CDH18: variants seen among roughly 807,000 people sequenced by gnomAD.
CDH18 encodes the protein cadherin 18, also known as cadherin-18.
CDH18 carries 31 observed loss-of-function variants against 67.9 expected under a neutral mutation model. That is an observed-to-expected ratio of 0.46 (90% CI 0.34 to 0.62). The LOEUF is 0.62. Ranked by LOEUF, CDH18 falls within the 20% of genes least tolerant of loss-of-function variation. CDH18 has a pLI of 0.01. For missense variants in CDH18, 890 were observed against 975.5 expected (o/e 0.91, Z 1.17); for synonymous variants, 362 against 347.2 (o/e 1.04, Z -0.48).
chr5:19,788,486 T>C (rs10941485), intron 3 of CDH18, among the ~76,000 whole-genome samples: 87,118 of 152,042 alleles, frequency 0.57, 25,503 homozygotes, highest in African/African-American at 0.71. Flanking sequence ...GCTAGTTGCA[T>C]ATTTCACTTG....
At chr5:20,293,469 G>T (rs1048915003) in intron 1 of CDH18, among the ~76,000 whole-genome samples, 1 of 151,928 alleles carries the variant, frequency 6.6e-6, no homozygotes, top group African/African-American at 2.4e-5. Context: ...GAAAAGAAAA[G>T]AAGATTGTGT....
intron 8 of CDH18, among the ~76,000 whole-genome samples, chr5:19,562,780 T>C (rs1739682582): frequency 6.6e-6 from 1 of 152,154 alleles, no homozygotes; most frequent in African/African-American, 2.4e-5. Context: ...CAACAAGAAG[T>C]AAATGCATAG....
chr5:19,817,057 A>G (rs1183344073), intron 3 of CDH18, among the ~76,000 whole-genome samples: 1 of 151,896 alleles, frequency 6.6e-6, no homozygotes, highest in East Asian at 1.9e-4. Context: ...AATGTAAAAT[A>G]AAGGCCATAA....
intron 8 of CDH18, among the ~76,000 whole-genome samples, chr5:19,545,442 A>T (rs1490178876): frequency 6.6e-6 from 1 of 152,236 alleles, no homozygotes; most frequent in Non-Finnish European, 1.5e-5. Flanking sequence ...CAGATTTATT[A>T]ATGCTCTGAA....
At chr5:19,629,894 ATTAAT>A (rs1445542790) in intron 5 of CDH18, among the ~76,000 whole-genome samples, 4 of 152,232 alleles carry the variant, frequency 2.6e-5, no homozygotes, top group East Asian at 1.9e-4. Flanking sequence ...GTAGAAGAAA[ATTAAT>A]TTAAAAGAGT....
chr5:19,478,648 AC>A (rs1738896399), intron 12 of CDH18: 1 of 152,222 alleles, frequency 6.6e-6, no homozygotes, highest in Non-Finnish European at 1.5e-5. Context: ...CACCTAGGTT[AC>A]CTGCTTATAT....
rs540358573 is a variant in CDH18, at chr5:20,392,258, T to C, written c.-579-136753A>G. Among the ~76,000 whole-genome samples the C allele has an allele frequency of 1.8e-3, 277 of 151,952 alleles. 3 individuals are homozygous for C. Among genetic ancestry groups the C allele is most frequent in the African/African-American group, 6.0e-3 (250 of 41,550 alleles). On this transcript the variant is annotated intron_variant, in intron 1 of 14. Coordinates refer to the CDH18 transcript ENST00000507958. Reference sequence around the variant, plus strand: ...ATTATTTATTATACAAGTTGAAAATTTGAAAAAGTTTTTAAAAATGTAAAT... The same window carrying C: ...ATTATTTATTATACAAGTTGAAAATCTGAAAAAGTTTTTAAAAATGTAAAT...
chr5:20,464,624 C>T lies in CDH18; in HGVS notation c.-580+110838G>A, dbSNP rs566898801. Among the ~76,000 whole-genome samples, 33 of 152,134 alleles carry T rather than the reference C, an allele frequency of 2.2e-4. No homozygotes were observed. In the South Asian group the frequency reaches 2.5e-3, roughly 11 times the overall value. On this transcript the variant is annotated intron_variant, in intron 1 of 14. Transcript: ENST00000507958. ...GATGTCTATGAGGATAATGTTAATA[C>T]GAAATTTAAGAAATTCTTGCATTTT...
chr5:19,927,318 G>C (rs1212342667), intron 2 of CDH18, among the ~76,000 whole-genome samples: 1 of 152,080 alleles, frequency 6.6e-6, no homozygotes, highest in Non-Finnish European at 1.5e-5. Context: ...GTTTGGGTGA[G>C]AATATATTAA....
At chr5:20,412,105 G>A (rs1351363229) in intron 1 of CDH18, among the ~76,000 whole-genome samples, 1 of 152,068 alleles carries the variant, frequency 6.6e-6, no homozygotes, top group East Asian at 1.9e-4. Context: ...AGCAAAGCTG[G>A]AGGCATCACA....
intron 1 of CDH18, among the ~76,000 whole-genome samples, chr5:20,509,460 T>C (rs893524446): frequency 6.6e-6 from 1 of 150,474 alleles, no homozygotes; most frequent in African/African-American, 2.4e-5. Flanking sequence ...TGGAGTGCAG[T>C]GGCACGATCT....
Position 19,594,184 on chromosome 5 carries a change from G to A in CDH18, c.812-2940C>T, listed in dbSNP as rs181408864. On this transcript the variant is annotated intron_variant, in intron 6 of 12. Coordinates refer to ENST00000382275, the MANE Select transcript of CDH18 (RefSeq NM_004934.5). ...TTTGTTTTGTTTTGTTTTTTGACAC[G>A]GAATCTCACTCTGGCTGGAGTGGAA... Among the ~76,000 whole-genome samples, 271 of 151,816 alleles carry A rather than the reference G, an allele frequency of 1.8e-3. 1 individual carries two copies. The highest frequency in any genetic ancestry group is 6.1e-3 in the African/African-American group (254 of 41,386).
intron 10 of CDH18, among the ~76,000 whole-genome samples, chr5:19,504,931 C>A (rs1031682058): frequency 1.3e-5 from 2 of 152,022 alleles, no homozygotes; most frequent in African/African-American, 4.8e-5. Context: ...TTATTATTTT[C>A]TTTACTATAC....
chr5:19,856,647 T>C (rs1460401995), intron 2 of CDH18, among the ~76,000 whole-genome samples: 1 of 152,088 alleles, frequency 6.6e-6, no homozygotes, highest in Non-Finnish European at 1.5e-5. Context: ...TGAGCCCTAC[T>C]TCAATCTGAT....
At chr5:19,517,043 T>A (rs939853011) in intron 10 of CDH18, among the ~76,000 whole-genome samples, 1 of 152,256 alleles carries the variant, frequency 6.6e-6, no homozygotes, top group African/African-American at 2.4e-5. Context: ...TTTAATTTTT[T>A]ATGAAACTGT....
chr5:20,428,712 TC>T (rs1748512513), intron 1 of CDH18, among the ~76,000 whole-genome samples: 1 of 152,216 alleles, frequency 6.6e-6, no homozygotes, highest in Admixed American at 6.5e-5. Context: ...GCACTTTTTT[TC>T]ATATGTTTGT....
rs577882736 is a variant in CDH18 at position 19,501,901 on chromosome 5, G to A, written c.1630+1091C>T. ...ACAGCCTGTTCTAATGTAAGTAAAT[G>A]TACAATAGTCAGTTAAATGCAATTT... On this transcript the variant is annotated intron_variant, in intron 11 of 12. Coordinates refer to ENST00000382275, the MANE Select transcript of CDH18 (RefSeq NM_004934.5). Among the ~76,000 whole-genome samples the A allele has an allele frequency of 2.6e-5, 4 of 152,228 alleles. No homozygotes were observed. In the South Asian group the frequency reaches 6.2e-4, roughly 24 times the overall value.
chr5:20,414,473 G>A (rs1003909804), intron 1 of CDH18, among the ~76,000 whole-genome samples: 2 of 152,140 alleles, frequency 1.3e-5, no homozygotes, highest in South Asian at 2.1e-4. Flanking sequence ...CAAAATTGAG[G>A]AGGAAGGAAA....
chr5:19,691,200 G>C (rs1761828988), intron 5 of CDH18, among the ~76,000 whole-genome samples: 1 of 151,586 alleles, frequency 6.6e-6, no homozygotes, highest in South Asian at 2.1e-4. Context: ...AGAGGAATTT[G>C]ATAAAATTAA....
Sources: gnomAD v4.1 joint callset for allele counts (sites outside exome capture counted in the v4.1 genomes callset) on GRCh38, gnomAD v4.1.1 for gene constraint, MANE v1.5 for transcripts, NCBI Gene and HGNC (gene_info 2026-07-23, HGNC 2026-07-21) for gene names.